ST8SIA4: variants seen among roughly 807,000 people sequenced by gnomAD.
The protein encoded by ST8SIA4 is CMP-N-acetylneuraminate-poly-alpha-2,8-sialyltransferase.
In ST8SIA4, 15 loss-of-function variants were observed where a neutral mutation model predicts 33.9. That is an observed-to-expected ratio of 0.44 (90% CI 0.30 to 0.68). The LOEUF (loss-of-function observed/expected upper bound fraction) is 0.68, where lower values mean the gene tolerates loss of function less well. ST8SIA4 is among the 30% of genes least tolerant of loss of function. The pLI is 0.10. For missense variants in ST8SIA4, 321 were observed against 428.0 expected, an observed-to-expected ratio of 0.75 and a Z score of 2.21; for synonymous variants, 171 against 151.2, an observed-to-expected ratio of 1.13 and a Z score of -0.96.
rs143119843 is a variant in ST8SIA4, at chr5:100,836,995, A to AACACACACACACACAC, written c.797+19092_797+19107dup. Among the ~76,000 whole-genome samples the AACACACACACACACAC allele has an allele frequency of 1.6e-3, 239 of 146,388 alleles. 3 individuals carry two copies. The highest frequency in any genetic ancestry group is 5.8e-3 in the African/African-American group (228 of 39,620). ...TAGGGAATTTTCTCATTAGTGCTAA[A>AACACACACACACACAC]ACACACACACACACACACACACACA... On this transcript the variant is annotated intron_variant, in intron 4 of 4. Coordinates refer to ENST00000231461, the MANE Select transcript of ST8SIA4 (RefSeq NM_005668.6).
At chr5:100,892,714 T>C (rs548426484) in intron 2 of ST8SIA4, among the ~76,000 whole-genome samples, 65 of 152,246 alleles carry the variant, frequency 4.3e-4, no homozygotes, top group Non-Finnish European at 8.7e-4. Flanking sequence ...ATAATGATAG[T>C]TGAATCAGTA....
chr5:100,847,644 T>C (rs571823236), intron 4 of ST8SIA4, among the ~76,000 whole-genome samples: 2 of 152,246 alleles, frequency 1.3e-5, no homozygotes, highest in Admixed American at 6.5e-5. Flanking sequence ...TTAGAAACCA[T>C]AAAAAATATT....
intron 1 of ST8SIA4, among the ~76,000 whole-genome samples, chr5:100,902,620 A>C (rs1365865553): frequency 6.6e-6 from 1 of 152,180 alleles, no homozygotes; most frequent in Admixed American, 6.5e-5. Flanking sequence ...GGCCAACACA[A>C]CTGTCACCAC....
At chr5:100,849,267 G>A (rs558052663) in intron 4 of ST8SIA4, 12 of 985,034 alleles carry the variant, frequency 1.2e-5, no homozygotes, top group Middle Eastern at 5.2e-4. Context: ...ACATTGGTAC[G>A]TATATTTTAA....
At chr5:100,863,119 G>A (rs1751983268) in intron 3 of ST8SIA4, among the ~76,000 whole-genome samples, 1 of 152,142 alleles carries the variant, frequency 6.6e-6, no homozygotes, top group Non-Finnish European at 1.5e-5. Context: ...GTAGGGTCTT[G>A]GGTGGATAAT....
chr5:100,875,765 T>C (rs1482482608), intron 3 of ST8SIA4, among the ~76,000 whole-genome samples: 1 of 152,188 alleles, frequency 6.6e-6, no homozygotes, highest in Non-Finnish European at 1.5e-5. Flanking sequence ...CGTTTATCTT[T>C]TAACAGCTAA....
intron 4 of ST8SIA4, among the ~76,000 whole-genome samples, chr5:100,824,896 CAAA>C (rs34354091): frequency 2.6e-5 from 3 of 115,200 alleles, no homozygotes; most frequent in Non-Finnish European, 3.7e-5. Flanking sequence ...CCTGTCTTGA[CAAA>C]AAAAAAAAAA....
intron 1 of ST8SIA4, among the ~76,000 whole-genome samples, chr5:100,902,640 G>A (rs1256978226): frequency 1.3e-5 from 2 of 152,208 alleles, no homozygotes; most frequent in Non-Finnish European, 2.9e-5. Context: ...CAACCACACA[G>A]AGCAAGTTGA....
intron 3 of ST8SIA4, among the ~76,000 whole-genome samples, chr5:100,865,952 G>A (rs1752052323): frequency 6.6e-6 from 1 of 152,054 alleles, no homozygotes; most frequent in African/African-American, 2.4e-5. Context: ...TGTTTGATGA[G>A]ACTTCCTGTG....
At chr5:100,833,314 A>G (rs1751297961) in intron 4 of ST8SIA4, among the ~76,000 whole-genome samples, 1 of 152,130 alleles carries the variant, frequency 6.6e-6, no homozygotes. Flanking sequence ...GATTGATGAC[A>G]CACAGGGTTT....
At chr5:100,858,009 T>C in intron 3 of ST8SIA4, among the ~76,000 whole-genome samples, 1 of 152,014 alleles carries the variant, frequency 6.6e-6, no homozygotes, top group East Asian at 1.9e-4. Flanking sequence ...TCATTCTCAT[T>C]ATGGTAAGAA....
intron 3 of ST8SIA4, among the ~76,000 whole-genome samples, chr5:100,880,163 C>A (rs1261667768): frequency 6.6e-6 from 1 of 151,920 alleles, no homozygotes; most frequent in African/African-American, 2.4e-5. Flanking sequence ...TTACCTCTAG[C>A]AAATATTTAT....
At chr5:100,883,465 G>A (rs1752472245) in intron 3 of ST8SIA4, among the ~76,000 whole-genome samples, 1 of 152,100 alleles carries the variant, frequency 6.6e-6, no homozygotes, top group African/African-American at 2.4e-5. Context: ...TTTGAACTGT[G>A]GACTTTTGGG....
At chr5:100,844,242 A>G (rs558348811) in intron 4 of ST8SIA4, among the ~76,000 whole-genome samples, 2 of 152,118 alleles carry the variant, frequency 1.3e-5, no homozygotes, top group East Asian at 1.9e-4. Flanking sequence ...TGCATCGTAT[A>G]TAATGTGATT....
chr5:100,818,141 G>C (rs1173805144), intron 4 of ST8SIA4, among the ~76,000 whole-genome samples: 1 of 152,124 alleles, frequency 6.6e-6, no homozygotes, highest in Non-Finnish European at 1.5e-5. Context: ...ACAGGACCAA[G>C]ATTTAAGCTC....
intron 4 of ST8SIA4, among the ~76,000 whole-genome samples, chr5:100,853,574 T>G: frequency 6.6e-6 from 1 of 152,206 alleles, no homozygotes; most frequent in Non-Finnish European, 1.5e-5. Flanking sequence ...AAGTTTGGCC[T>G]TGTTGCTCTT....
intron 1 of ST8SIA4, among the ~76,000 whole-genome samples, chr5:100,896,234 G>A (rs1200207932): frequency 6.6e-6 from 1 of 152,070 alleles, no homozygotes; most frequent in Non-Finnish European, 1.5e-5. Context: ...TAACGAAAAT[G>A]TGGTATATAT....
intron 3 of ST8SIA4, among the ~76,000 whole-genome samples, chr5:100,883,510 G>A (rs1752473006): frequency 6.6e-6 from 1 of 152,172 alleles, no homozygotes; most frequent in Admixed American, 6.5e-5. Context: ...TTGGGGGACT[G>A]TTGGGAAGGC....
rs201029430 is a variant in ST8SIA4, at chr5:100,864,574, C to CAA, written c.504-8180_504-8179dup. On this transcript the variant is annotated intron_variant, in intron 3 of 4. Transcript: ENST00000231461. ...TGGGTGACAGAGCAAGACTCCGGCT[C>CAA]AAAAAAAAAAAAAAAAAAAAAAAAA... is the stretch of plus-strand genomic sequence containing the variant. Among the ~76,000 whole-genome samples the CAA allele has an allele frequency of 1.8e-3, 126 of 69,374 alleles. 13 individuals are homozygous for CAA. Among genetic ancestry groups the CAA allele is most frequent in the African/African-American group, 6.1e-3 (84 of 13,684 alleles). The allele number at this position is 69,374 out of a possible 152,430, so 45.5% of individuals were successfully genotyped here.
Sources: gnomAD v4.1 joint callset for allele counts (sites outside exome capture counted in the v4.1 genomes callset) on GRCh38, gnomAD v4.1.1 for gene constraint, MANE v1.5 for transcripts, NCBI Gene and HGNC (gene_info 2026-07-23, HGNC 2026-07-21) for gene names.